CELF4: variants seen among roughly 807,000 people sequenced by gnomAD.
The protein encoded by CELF4 is CUGBP Elav-like family member 4.
In CELF4, 18 loss-of-function variants were observed where a neutral mutation model predicts 59.9. The observed-to-expected ratio is 0.30, with a 90% CI of 0.21 to 0.45. The LOEUF (loss-of-function observed/expected upper bound fraction) is 0.45, where lower values mean the gene tolerates loss of function less well. CELF4 is among the 20% of genes least tolerant of loss of function. CELF4 has a pLI of 1.00. For missense variants in CELF4, 456 were observed against 689.0 expected, an observed-to-expected ratio of 0.66 and a Z score of 3.79; for synonymous variants, 261 against 267.1, an observed-to-expected ratio of 0.98 and a Z score of 0.22.
At chr18:37,282,816 C>G (rs1461202390) in intron 3 of CELF4, among the ~76,000 whole-genome samples, 1 of 152,158 alleles carries the variant, frequency 6.6e-6, no homozygotes. Flanking sequence ...AGGGTCACCA[C>G]GGGCCAGGTC....
At chr18:37,255,603 CT>C (rs2068789737) in intron 11 of CELF4, among the ~76,000 whole-genome samples, 1 of 151,678 alleles carries the variant, frequency 6.6e-6, no homozygotes, top group Non-Finnish European at 1.5e-5. Context: ...CTCCGCTGAC[CT>C]GTATGTCTAA....
At chr18:37,282,732 C>G (rs1057040346) in intron 3 of CELF4, among the ~76,000 whole-genome samples, 1 of 152,200 alleles carries the variant, frequency 6.6e-6, no homozygotes, top group Admixed American at 6.5e-5. Flanking sequence ...ACTGTCCACA[C>G]TGGAGTCAAG....
At chr18:37,561,794 C>T (rs2099986613) in intron 1 of CELF4, among the ~76,000 whole-genome samples, 1 of 152,166 alleles carries the variant, frequency 6.6e-6, no homozygotes, top group Non-Finnish European at 1.5e-5. Flanking sequence ...GTAAAATTGG[C>T]CCTCAGCTCA....
At chr18:37,286,162 G>A (rs938638816) in intron 3 of CELF4, among the ~76,000 whole-genome samples, 2 of 152,158 alleles carry the variant, frequency 1.3e-5, no homozygotes, top group East Asian at 3.9e-4. Context: ...GGCAAGAAGA[G>A]GAGAGACCAA....
intron 3 of CELF4, among the ~76,000 whole-genome samples, chr18:37,298,888 T>A (rs1603343245): frequency 6.6e-6 from 1 of 152,328 alleles, no homozygotes; most frequent in East Asian, 1.9e-4. Flanking sequence ...ATGGCTTTCC[T>A]TTGGGGTTCT....
chr18:37,462,167 T>C (rs1408310966), intron 2 of CELF4, among the ~76,000 whole-genome samples: 1 of 152,022 alleles, frequency 6.6e-6, no homozygotes, highest in East Asian at 1.9e-4. Flanking sequence ...AGGAGGATGA[T>C]CTGGGGGTTG....
intron 3 of CELF4, among the ~76,000 whole-genome samples, chr18:37,276,757 C>T (rs180728587): frequency 1.4e-4 from 21 of 152,256 alleles, no homozygotes; most frequent in Middle Eastern, 3.4e-3. Context: ...CACTCAGTTT[C>T]GGGCTAAATT....
chr18:37,364,914 G>C (rs868367741), intron 2 of CELF4, among the ~76,000 whole-genome samples: 1 of 152,146 alleles, frequency 6.6e-6, no homozygotes, highest in East Asian at 1.9e-4. Flanking sequence ...GGCAGACAAC[G>C]GGTGCTAGAG....
chr18:37,352,987 C>T (rs889944184), intron 2 of CELF4, among the ~76,000 whole-genome samples: 5 of 152,104 alleles, frequency 3.3e-5, no homozygotes, highest in East Asian at 1.9e-4. Context: ...TTTGGGAGGC[C>T]AAGGTGGGCA....
intron 2 of CELF4, among the ~76,000 whole-genome samples, chr18:37,361,595 T>C (rs1363835257): frequency 6.6e-6 from 1 of 152,142 alleles, no homozygotes; most frequent in African/African-American, 2.4e-5. Flanking sequence ...CCTACTCAGC[T>C]CCAGGGTGTG....
At chr18:37,272,719 C>T (rs948671159) in intron 7 of CELF4, among the ~76,000 whole-genome samples, 4 of 152,118 alleles carry the variant, frequency 2.6e-5, no homozygotes, top group Admixed American at 6.5e-5. Flanking sequence ...CTTTCCAGGT[C>T]TCTTGTTGGT....
intron 2 of CELF4, among the ~76,000 whole-genome samples, chr18:37,352,564 A>G (rs1360603974): frequency 1.3e-5 from 2 of 152,016 alleles, no homozygotes; most frequent in East Asian, 3.9e-4. Context: ...TGGCACTCCA[A>G]CCTGAACCAC....
In CELF4 at chr18:37,271,378, C is replaced by T. The variant is rs1247206743; in HGVS notation, c.950-461G>A. 2.6e-5 allele frequency among the ~76,000 whole-genome samples: 4 copies of T among 151,848 alleles called. No homozygotes were observed. The East Asian group carries it at 7.7e-4, about 29-fold the overall frequency. On this transcript the variant is annotated intron_variant, in intron 7 of 12. Transcript: ENST00000420428. ...CAAACAATTCTCCTTCCTCAGCCTCCCAAGTAGCTGGGACTACCAGCATGC... is the reference window on the plus strand; with the variant it reads ...CAAACAATTCTCCTTCCTCAGCCTCTCAAGTAGCTGGGACTACCAGCATGC...
chr18:37,545,155 C>A (rs1000397201), intron 1 of CELF4, among the ~76,000 whole-genome samples: 1 of 152,200 alleles, frequency 6.6e-6, no homozygotes, highest in South Asian at 2.1e-4. Flanking sequence ...GCACCAGTGC[C>A]CAACAGCAGC....
intron 1 of CELF4, among the ~76,000 whole-genome samples, chr18:37,501,180 A>C (rs2099931444): frequency 6.6e-6 from 1 of 152,198 alleles, no homozygotes; most frequent in African/African-American, 2.4e-5. Flanking sequence ...GTGACAAGAC[A>C]CTGGTTTGGA....
chr18:37,507,381 G>A (rs2099939312), intron 1 of CELF4, among the ~76,000 whole-genome samples: 1 of 152,150 alleles, frequency 6.6e-6, no homozygotes, highest in Non-Finnish European at 1.5e-5. Context: ...GCATGTTCTT[G>A]TCTGCTATCT....
In CELF4 at chr18:37,412,479, T is replaced by C. The variant is rs145000834; in HGVS notation, c.369+73046A>G. On this transcript the variant is annotated intron_variant, in intron 2 of 12. Coordinates refer to ENST00000420428, the MANE Select transcript of CELF4 (RefSeq NM_020180.4). The stretch of plus-strand genomic sequence containing the variant: ...ATGGGTGGATGGGTGAGCAGATGGA[T>C]GCATGCATGGGTGGATAGATGGATG... Among the ~76,000 whole-genome samples, 124 of 152,214 alleles carry C rather than the reference T, an allele frequency of 8.1e-4. 1 individual carries two copies. The highest frequency in any genetic ancestry group is 6.8e-3 in the Middle Eastern group (2 of 294).
intron 1 of CELF4, among the ~76,000 whole-genome samples, chr18:37,496,762 G>A (rs1366676493): frequency 6.6e-6 from 1 of 152,188 alleles, no homozygotes; most frequent in Non-Finnish European, 1.5e-5. Flanking sequence ...TTAAGCCACT[G>A]TTCTGGCCGG....
chr18:37,478,754 T>A (rs1442038170), intron 2 of CELF4, among the ~76,000 whole-genome samples: 1 of 152,232 alleles, frequency 6.6e-6, no homozygotes, highest in African/African-American at 2.4e-5. Flanking sequence ...GTAGCCCCTA[T>A]ACCCATCTGT....
Sources: allele counts gnomAD v4.1 joint callset (sites outside exome capture counted in the v4.1 genomes callset), GRCh38; gene constraint gnomAD v4.1.1; transcripts MANE v1.5; gene names NCBI Gene and HGNC (gene_info 2026-07-23, HGNC 2026-07-21).